Variants in INPP4B observed in about 807,000 individuals in gnomAD.
INPP4B encodes inositol polyphosphate 4-phosphatase type II.
In INPP4B, 55 loss-of-function variants were observed where a neutral mutation model predicts 122.5. The observed-to-expected ratio is 0.45, with a 90% CI of 0.36 to 0.56. The LOEUF (loss-of-function observed/expected upper bound fraction) is 0.56, where lower values mean the gene tolerates loss of function less well. INPP4B is among the 20% of genes least tolerant of loss of function. The probability of loss-of-function intolerance (pLI) is 0.00; values close to 1 mark genes in which losing one functional copy is unlikely to be tolerated. For synonymous variants in INPP4B, 403 were observed against 388.7 expected (o/e 1.04, Z -0.43); for missense variants, 1,000 against 1,097.7 (o/e 0.91, Z 1.26).
chr4:142,387,188 T>G (rs941945217), intron 7 of INPP4B, among the ~76,000 whole-genome samples: 12 of 152,228 alleles, frequency 7.9e-5, no homozygotes, highest in Admixed American at 5.2e-4. Context: ...TTGCAGTGGT[T>G]GTAAAAATTT....
At chr4:142,471,761 ACCCGC>A (rs1818875070) in intron 2 of INPP4B, among the ~76,000 whole-genome samples, 1 of 136,124 alleles carries the variant, frequency 7.3e-6, no homozygotes, top group Non-Finnish European at 1.6e-5. Context: ...GCTCCTGAGC[ACCCGC>A]AATCCAAGCC....
intron 15 of INPP4B, among the ~76,000 whole-genome samples, chr4:142,183,664 C>G (rs923053391): frequency 6.6e-6 from 1 of 152,120 alleles, no homozygotes; most frequent in Admixed American, 6.5e-5. Flanking sequence ...TGGAGTTTAA[C>G]AAGTTCAAAA....
At chr4:142,622,183 G>A (rs1443191) in intron 2 of INPP4B, among the ~76,000 whole-genome samples, 89,532 of 151,624 alleles carry the variant, frequency 0.59, 27,721 homozygotes, top group East Asian at 0.79. Context: ...CTCCCAAAAA[G>A]CTCAATGTGG....
intron 15 of INPP4B, among the ~76,000 whole-genome samples, chr4:142,176,995 A>G (rs1050142467): frequency 6.6e-6 from 1 of 152,064 alleles, no homozygotes; most frequent in African/African-American, 2.4e-5. Flanking sequence ...AACCTTTTTC[A>G]TCATGATTTC....
intron 2 of INPP4B, among the ~76,000 whole-genome samples, chr4:142,719,555 C>T (rs934454704): frequency 5.3e-5 from 8 of 151,948 alleles, no homozygotes; most frequent in African/African-American, 1.9e-4. Context: ...AATTCCTGGC[C>T]TCAAGTGATC....
intron 5 of INPP4B, among the ~76,000 whole-genome samples, chr4:142,420,721 A>G (rs998572216): frequency 6.6e-6 from 1 of 152,120 alleles, no homozygotes; most frequent in African/African-American, 2.4e-5. Flanking sequence ...ACACAAGTGA[A>G]TGAACTTGTC....
chr4:142,698,586 G>C (rs1761315891), intron 2 of INPP4B, among the ~76,000 whole-genome samples: 1 of 152,144 alleles, frequency 6.6e-6, no homozygotes, highest in African/African-American at 2.4e-5. Flanking sequence ...TCTTTAAGCT[G>C]CATCAGGGTC....
At chr4:142,172,156 TA>T (rs879313608) in intron 16 of INPP4B, among the ~76,000 whole-genome samples, 6 of 151,936 alleles carry the variant, frequency 3.9e-5, no homozygotes, top group Admixed American at 6.6e-5. Flanking sequence ...CAAACATTTT[TA>T]AAAAAAAACT....
At chr4:142,462,770 T>A (rs1313395105) in intron 2 of INPP4B, 44 bp from the exon 3 acceptor site, 1 of 152,250 alleles carries the variant, frequency 6.6e-6, no homozygotes, top group Non-Finnish European at 1.5e-5. Context: ...TAGTGTTTAC[T>A]GGAAATTTTC....
At position 142,193,106 on chromosome 4, in the gene INPP4B, A is replaced by G. The variant is rs1295863835; in HGVS notation, c.1162T>C (p.Phe388Leu). 2 of 1,608,568 alleles carry G rather than the reference A, an allele frequency of 1.2e-6. No homozygotes were observed. Among genetic ancestry groups the G allele is most frequent in the East Asian group, 2.2e-5 (1 of 44,818 alleles). ...NGGLRKLLHR[F>L]ETERRNTGYQ... is the part of the protein sequence containing the mutation. ...ACTTACTTTCTTCTTTCTGTTTCAA[A>G]TCTATGGAGTAGCTTCCGAAGACCA... The change falls in exon 15 of 26, where the codon TTT (phenylalanine) becomes CTT (leucine). Residue 388 changes from phenylalanine (F) to leucine (L), a missense_variant. Physicochemically the swap from Phe to Leu is conservative, Grantham distance 22 (BLOSUM62 0). Coordinates refer to ENST00000262992, the MANE Select transcript of INPP4B (RefSeq NM_001101669.3).
chr4:142,183,568 A>ACCTT (rs1561408524), intron 15 of INPP4B, among the ~76,000 whole-genome samples: 1 of 152,082 alleles, frequency 6.6e-6, no homozygotes, highest in Non-Finnish European at 1.5e-5. Context: ...TTTATAGATG[A>ACCTT]CTTTTCTGCT....
intron 15 of INPP4B, among the ~76,000 whole-genome samples, chr4:142,192,333 TA>T (rs71586265): frequency 2.7e-3 from 24 of 8,974 alleles, no homozygotes; most frequent in East Asian, 7.0e-3. Flanking sequence ...AATCTAAAAG[TA>T]AAAAAAAAAA....
chr4:142,215,892 C>CAAAAAAA lies in INPP4B; in HGVS notation c.837-6873_837-6867dup. On this transcript the variant is annotated intron_variant, in intron 12 of 25. Coordinates refer to ENST00000262992, the MANE Select transcript of INPP4B (RefSeq NM_001101669.3). ...TGGGCAACAGACCAAGACTCTGTCT[C>CAAAAAAA]AAAAAAAAAAAAAAAAAAAAAAAAA... Among the ~76,000 whole-genome samples the CAAAAAAA allele has an allele frequency of 7.9e-4, 43 of 54,572 alleles. 2 individuals are homozygous for CAAAAAAA. Among genetic ancestry groups the CAAAAAAA allele is most frequent in the African/African-American group, 2.0e-3 (27 of 13,304 alleles). The allele number at this position is 54,572 out of a possible 152,430, so 35.8% of individuals were successfully genotyped here.
chr4:142,729,149 T>C (rs139810730), intron 1 of INPP4B, among the ~76,000 whole-genome samples: 3 of 152,122 alleles, frequency 2.0e-5, no homozygotes, highest in African/African-American at 7.2e-5. Flanking sequence ...CATGCTCCTA[T>C]GAGAATCTAA....
chr4:142,714,167 G>A (rs371999188), intron 2 of INPP4B, among the ~76,000 whole-genome samples: 2 of 152,166 alleles, frequency 1.3e-5, no homozygotes, highest in East Asian at 1.9e-4. Context: ...ATTACCTAAT[G>A]AGAGGACTTT....
chr4:142,061,596 C>G (rs1397050270), intron 25 of INPP4B, among the ~76,000 whole-genome samples: 1 of 151,922 alleles, frequency 6.6e-6, no homozygotes, highest in East Asian at 1.9e-4. Context: ...ATGAGATACA[C>G]AAATGTTGGA....
intron 23 of INPP4B, among the ~76,000 whole-genome samples, chr4:142,100,464 G>A (rs2152637247): frequency 6.6e-6 from 1 of 152,248 alleles, no homozygotes; most frequent in Non-Finnish European, 1.5e-5. Context: ...ACCTGGGTTA[G>A]TAGCAACTCA....
chr4:142,199,085 G>A (rs1839620173), intron 14 of INPP4B, among the ~76,000 whole-genome samples: 2 of 151,950 alleles, frequency 1.3e-5, no homozygotes, highest in African/African-American at 2.4e-5. Flanking sequence ...AATTTTGATA[G>A]TTAATTTACT....
intron 1 of INPP4B, among the ~76,000 whole-genome samples, chr4:142,844,124 C>T (rs1481432898): frequency 6.6e-6 from 1 of 152,106 alleles, no homozygotes; most frequent in Admixed American, 6.5e-5. Flanking sequence ...AGCTCAAACA[C>T]AACATTTTAA....
Sources: allele counts gnomAD v4.1 joint callset (sites outside exome capture counted in the v4.1 genomes callset), GRCh38; gene constraint gnomAD v4.1.1; transcripts MANE v1.5; gene names NCBI Gene and HGNC (gene_info 2026-07-23, HGNC 2026-07-21).